LY75: variants seen among roughly 807,000 people sequenced by gnomAD.
LY75 encodes lymphocyte antigen 75.
In LY75, 185 loss-of-function variants were observed where a neutral mutation model predicts 231.7. That is an observed-to-expected ratio of 0.80 (90% confidence interval 0.71 to 0.90). LY75 has a LOEUF of 0.90. Ranked by LOEUF, LY75 falls within the 40% of genes least tolerant of loss-of-function variation. LY75 has a pLI of 0.00. For missense variants in LY75, 1,947 were observed against 2,050.2 expected, an observed-to-expected ratio of 0.95 and a Z score of 0.97; for synonymous variants, 668 against 689.0, an observed-to-expected ratio of 0.97 and a Z score of 0.48.
At position 159,866,223 on chromosome 2, in the gene LY75, T is replaced by C. The variant is rs1451874139; in HGVS notation, c.2118-1303A>G. ...CTACAAGTCTACAGAGAAATATAAG[T>C]GCATTTTAATAAAATGTACTAGTGA... On this transcript the variant is annotated intron_variant, in intron 13 of 34. Transcript: ENST00000263636. Among the ~76,000 whole-genome samples, 7 of 152,266 alleles carry C rather than the reference T, an allele frequency of 4.6e-5. No homozygotes were observed. The East Asian group carries it at 1.3e-3, about 29-fold the overall frequency.
At chr2:159,888,629 T>G (rs577524293) in intron 4 of LY75, among the ~76,000 whole-genome samples, 99 of 152,312 alleles carry the variant, frequency 6.5e-4, no homozygotes, top group Non-Finnish European at 1.1e-3. Context: ...AGAATGCATC[T>G]GAATTACTTA....
intron 28 of LY75, 33 bp from the exon 29 acceptor site, chr2:159,819,953 G>A: frequency 1.3e-6 from 2 of 1,551,224 alleles, no homozygotes; most frequent in African/African-American, 2.8e-5. Flanking sequence ...TATGCTTAGA[G>A]ATTAAATCAA....
rs1233434637 is a variant in LY75, at chr2:159,872,537, G to A, written c.2031C>T (p.Phe677=). Residue 677 remains phenylalanine (F), a synonymous_variant, in exon 13 of 35, where the codon TTC becomes TTT. Transcript: ENST00000263636. Reference sequence around the variant, plus strand: ...AAAGGTGTGCTCCAAGGGCTTGGCAGAATCGTTCAGCTTCTTCCCAGTTCC... The same window carrying A: ...AAAGGTGTGCTCCAAGGGCTTGGCAAAATCGTTCAGCTTCTTCCCAGTTCC... ...RKRNWEEAER[F]CQALGAHLSS... is the part of the protein sequence containing the mutation. 6.2e-7 allele frequency: 1 copy of A among 1,613,960 alleles called. No individual in the cohort carries two copies. The highest frequency in any genetic ancestry group is 1.7e-5 in the Admixed American group (1 of 59,978).
chr2:159,874,548 C>CATATTTTGTAAATATATATAAAGATAT lies in LY75; in HGVS notation c.1974+895_1974+896insATATCTTTATATATATTTACAAAATAT, dbSNP rs1685155601. On this transcript the variant is annotated intron_variant, in intron 12 of 34. Coordinates refer to ENST00000263636, the MANE Select transcript of LY75 (RefSeq NM_002349.4). Reference sequence around the variant, plus strand: ...TTTTGTAAATCTATATAAATATGTACATATTTTGTAAATCTATATAAATAT... The same window carrying CATATTTTGTAAATATATATAAAGATAT: ...TTTTGTAAATCTATATAAATATGTACATATTTTGTAAATATATATAAAGATATATATTTTGTAAATCTATATAAATAT... Among the ~76,000 whole-genome samples, 2 of 13,872 alleles carry CATATTTTGTAAATATATATAAAGATAT rather than the reference C, an allele frequency of 1.4e-4. 1 individual carries two copies. Among genetic ancestry groups the CATATTTTGTAAATATATATAAAGATAT allele is most frequent in the Non-Finnish European group, 4.5e-4 (2 of 4,422 alleles). The allele number at this position is 13,872 out of a possible 152,430, so 9.1% of individuals were successfully genotyped here. A position where few individuals can be genotyped will look rare whatever the true frequency, so the allele number is the denominator to read the frequency against.
intron 1 of LY75, chr2:159,903,071 C>T (rs1415729909): frequency 1.3e-5 from 2 of 152,194 alleles, no homozygotes; most frequent in African/African-American, 4.8e-5. Flanking sequence ...AACAAGGCCA[C>T]AAGTCTGCTC....
At chr2:159,900,170 A>G (rs949185904) in intron 1 of LY75, among the ~76,000 whole-genome samples, 1 of 152,216 alleles carries the variant, frequency 6.6e-6, no homozygotes, top group Non-Finnish European at 1.5e-5. Flanking sequence ...ACTTTGCATG[A>G]GCTGGCAAAG....
At chr2:159,831,105 T>C (rs1208254779) in intron 28 of LY75, among the ~76,000 whole-genome samples, 1 of 152,214 alleles carries the variant, frequency 6.6e-6, no homozygotes, top group Non-Finnish European at 1.5e-5. Flanking sequence ...TTGATATGGT[T>C]TGGCTCTGTG....
intron 24 of LY75, among the ~76,000 whole-genome samples, chr2:159,841,501 AT>A (rs1684027734): frequency 6.6e-6 from 1 of 152,142 alleles, no homozygotes. Flanking sequence ...ATATGACAAA[AT>A]TTTTTCTTGA....
rs762118914 is a variant in LY75 at position 159,815,499 on chromosome 2, A to C, written c.4455T>G (p.Pro1485=). Residue 1485 remains proline, a synonymous_variant, in exon 31 of 35, where the codon CCT becomes CCG. Coordinates refer to ENST00000263636, the MANE Select transcript of LY75 (RefSeq NM_002349.4). The part of the protein sequence containing the change: ...DYIPWKGQTS[P]GNCVLLDPKG... ...TTGGATCCAAGAGAACACAATTTCC[A>C]GGAGATGTTTGGCCTTTCCATGGGA... 3.8e-5 allele frequency: 62 copies of C among 1,613,816 alleles called. No individual in the cohort carries two copies. In the South Asian group the frequency reaches 6.7e-4, roughly 17 times the overall value.
rs894706460 is a variant in LY75, at chr2:159,815,662, T to A, written c.4381-89A>T. On this transcript the variant is annotated intron_variant, in intron 30 of 34. Transcript: ENST00000263636. ...ACAACATACATACTTTAAGAAATAT[T>A]ATAATGGAATATTAATTATTTGCTT... 5.1e-5 allele frequency: 72 copies of A among 1,423,034 alleles called. No homozygotes were observed. In the African/African-American group the frequency reaches 1.0e-3, roughly 20 times the overall value. The allele number at this position is 1,423,034 out of a possible 1,614,324, so 88.2% of individuals were successfully genotyped here.
chr2:159,850,316 T>C (rs753760102), intron 22 of LY75, 46 bp downstream of exon 22: 1 of 1,602,914 alleles, frequency 6.2e-7, no homozygotes, highest in Non-Finnish European at 8.5e-7. Context: ...AAAACTAACC[T>C]GGCCCCAGAT....
chr2:159,854,846 A>G, intron 17 of LY75, 58 bp downstream of exon 17: 1 of 1,599,106 alleles, frequency 6.3e-7, no homozygotes, highest in Non-Finnish European at 8.5e-7. Context: ...TAATTAACTA[A>G]ATGCATTAGT....
At chr2:159,848,093 T>TATATATATATATATACACACACACAC in intron 23 of LY75, among the ~76,000 whole-genome samples, 5 of 28,542 alleles carry the variant, frequency 1.8e-4, no homozygotes, top group African/African-American at 6.9e-4. Flanking sequence ...TATATATATA[T>TATATATATATATATACACACACACAC]ACACACACAC....
intron 31 of LY75, among the ~76,000 whole-genome samples, chr2:159,813,325 CTGTTT>C (rs1395496138): frequency 7.2e-6 from 1 of 138,340 alleles, no homozygotes; most frequent in Non-Finnish European, 1.6e-5. Context: ...CTGTTATTCT[CTGTTT>C]TGTTTTTTTT....
intron 28 of LY75, among the ~76,000 whole-genome samples, chr2:159,827,913 C>T (rs1282477225): frequency 6.6e-6 from 1 of 151,914 alleles, no homozygotes; most frequent in Non-Finnish European, 1.5e-5. Flanking sequence ...ACAATGAGAA[C>T]ACATGGACAC....
At chr2:159,864,946 T>G in intron 13 of LY75, 26 bp from the exon 14 acceptor site, 2 of 1,585,330 alleles carry the variant, frequency 1.3e-6, no homozygotes, top group Non-Finnish European at 1.7e-6. Context: ...GTGTTAAAAA[T>G]ACAGGACAAT....
intron 11 of LY75, among the ~76,000 whole-genome samples, chr2:159,877,617 C>G (rs1447668579): frequency 6.6e-6 from 1 of 152,172 alleles, no homozygotes; most frequent in African/African-American, 2.4e-5. Context: ...CACCTGTAAT[C>G]CCAGCACTTT....
Position 159,878,381 on chromosome 2 carries a change from T to G in LY75, c.1717A>C (p.Thr573Pro). The G allele has an allele frequency of 6.2e-7, 1 of 1,614,112 alleles. No homozygotes were observed. Among genetic ancestry groups the G allele is most frequent in the Non-Finnish European group, 8.5e-7 (1 of 1,179,992 alleles). Residue 573 changes from threonine to proline, a missense_variant, in exon 11 of 35, where the codon ACT (threonine) becomes CCT (proline). Physicochemically the swap from Thr to Pro is conservative, Grantham distance 38. Transcript: ENST00000263636. Reference sequence around the variant, plus strand: ...ACAGCCCGCCTTCTTCCACCAACAGTTGCCCAGTTATACTCTCCACAAGAA... The same window carrying G: ...ACAGCCCGCCTTCTTCCACCAACAGGTGCCCAGTTATACTCTCCACAAGAA... Reference protein sequence around the residue: ...VDSCGEYNWATVGGRRRAVTF... With the variant: ...VDSCGEYNWAPVGGRRRAVTF...
chr2:159,832,909 T>A (rs960176744), intron 27 of LY75, among the ~76,000 whole-genome samples: 4 of 152,234 alleles, frequency 2.6e-5, no homozygotes, highest in African/African-American at 9.6e-5. Context: ...AACAGTTCCA[T>A]CATTTGGAAG....
Sources: allele counts gnomAD v4.1 joint callset (sites outside exome capture counted in the v4.1 genomes callset), GRCh38; gene constraint gnomAD v4.1.1; transcripts MANE v1.5; gene names NCBI Gene and HGNC (gene_info 2026-07-23, HGNC 2026-07-21).